HPCAL1: variants seen among roughly 807,000 people sequenced by gnomAD.
The protein encoded by HPCAL1 is hippocalcin like 1, also known as hippocalcin-like protein 1.
A neutral mutation model predicts 17.1 loss-of-function variants in HPCAL1; 8 were observed. The observed-to-expected ratio is 0.47, with a 90% confidence interval of 0.27 to 0.84. HPCAL1 has a LOEUF of 0.84. Ranked by LOEUF, HPCAL1 falls within the 40% of genes least tolerant of loss-of-function variation. The pLI, the probability that HPCAL1 is intolerant of heterozygous loss-of-function variation, is 0.13. For synonymous variants in HPCAL1, 112 were observed against 111.4 expected, an observed-to-expected ratio of 1.01 and a Z score of -0.03; for missense variants, 165 against 271.1, an observed-to-expected ratio of 0.61 and a Z score of 2.75.
Position 10,362,993 on chromosome 2 carries a change from C to T in HPCAL1, c.-110-33842C>T, listed in dbSNP as rs990129976. On this transcript the variant is annotated intron_variant, in intron 1 of 4. Coordinates refer to ENST00000307845, the MANE Select transcript of HPCAL1 (RefSeq NM_002149.4). This position sits in a 1 kb window ranked among gnomAD's most constrained non-coding sequence, Gnocchi z 5.0. ...CTTTGATGGTTCTCTCAGTGACTCA[C>T]GCCTGTAATCTCAGCATTTTGGGAG... Among the ~76,000 whole-genome samples, 5 of 152,198 alleles carry T rather than the reference C, an allele frequency of 3.3e-5. No homozygotes were observed. The highest frequency in any genetic ancestry group is 6.5e-5 in the Admixed American group (1 of 15,278).
intron 1 of HPCAL1, among the ~76,000 whole-genome samples, chr2:10,338,329 C>G (rs1664846566): frequency 1.3e-5 from 2 of 152,068 alleles, no homozygotes; most frequent in African/African-American, 4.8e-5. Flanking sequence ...ACACACAAAG[C>G]AAATTGACAA....
chr2:10,389,618 T>C (rs563570195), intron 1 of HPCAL1, among the ~76,000 whole-genome samples: 37 of 152,350 alleles, frequency 2.4e-4, no homozygotes, highest in African/African-American at 8.9e-4. Context: ...TATGGTAATT[T>C]GTTAGAGTGG....
At chr2:10,345,297 C>A (rs879888551) in intron 1 of HPCAL1, among the ~76,000 whole-genome samples, 1 of 152,226 alleles carries the variant, frequency 6.6e-6, no homozygotes, top group South Asian at 2.1e-4. Flanking sequence ...CTGTACTCTG[C>A]GTTTTTGCCA....
chr2:10,365,995 A>G lies in HPCAL1; in HGVS notation c.-110-30840A>G, dbSNP rs1197076177. Among the ~76,000 whole-genome samples, 2 of 152,128 alleles carry G rather than the reference A, an allele frequency of 1.3e-5. No homozygotes were observed. Among genetic ancestry groups the G allele is most frequent in the Admixed American group, 6.5e-5 (1 of 15,282 alleles). On this transcript the variant is annotated intron_variant, in intron 1 of 4. Transcript: ENST00000307845. This position sits in a 1 kb window ranked among gnomAD's most constrained non-coding sequence, Gnocchi z 4.8. Reference sequence around the variant, plus strand: ...CAGACACACTGAGTACTCTTTCCTCAAGCTCAGTGCAGTTCGTCCACGTTT... The same window carrying G: ...CAGACACACTGAGTACTCTTTCCTCGAGCTCAGTGCAGTTCGTCCACGTTT...
At position 10,426,964 on chromosome 2, in the gene HPCAL1, G is replaced by A. The variant is rs1222411160; in HGVS notation, c.*143G>A. On this transcript the variant is annotated 3_prime_UTR_variant, in exon 5 of 5. Coordinates refer to ENST00000307845, the MANE Select transcript of HPCAL1 (RefSeq NM_002149.4). ...ATGCGTTGCACCTGCCCAGCCCGGTGGCTGCGCCTCCCTCCTCCACCTGAC... is the reference window on the plus strand; with the variant it reads ...ATGCGTTGCACCTGCCCAGCCCGGTAGCTGCGCCTCCCTCCTCCACCTGAC... The A allele has an allele frequency of 1.0e-5, 7 of 686,978 alleles. No individual in the cohort carries two copies. Among genetic ancestry groups the A allele is most frequent in the Non-Finnish European group, 1.8e-5 (7 of 396,858 alleles). The allele number at this position is 686,978 out of a possible 1,614,324, so 42.6% of individuals were successfully genotyped here.
At chr2:10,418,894 G>A (rs6432095) in intron 2 of HPCAL1, among the ~76,000 whole-genome samples, 15,175 of 151,998 alleles carry the variant, frequency 0.1, 2,503 homozygotes, top group African/African-American at 0.35. Flanking sequence ...CCTCCCACCC[G>A]GGGCAGTTTA....
At chr2:10,357,895 G>A (rs768289822) in intron 1 of HPCAL1, among the ~76,000 whole-genome samples, 7 of 152,006 alleles carry the variant, frequency 4.6e-5, no homozygotes, top group Non-Finnish European at 1.0e-4. Context: ...GAGAGGGAGG[G>A]GGCCACACCT....
chr2:10,363,960 C>T lies in HPCAL1; in HGVS notation c.-110-32875C>T, dbSNP rs973527674. ...CTCAGGGAGGCCTGATGATTCGGGGCGCTTGGCCGGGTGGTGGGGTGGGAC... is the reference window on the plus strand; with the variant it reads ...CTCAGGGAGGCCTGATGATTCGGGGTGCTTGGCCGGGTGGTGGGGTGGGAC... On this transcript the variant is annotated intron_variant, in intron 1 of 4. Coordinates refer to ENST00000307845, the MANE Select transcript of HPCAL1 (RefSeq NM_002149.4). The surrounding 1 kb of genome is among the most constrained non-coding windows in gnomAD (Gnocchi z 4.7). Among the ~76,000 whole-genome samples the T allele has an allele frequency of 6.6e-5, 10 of 152,250 alleles. No homozygotes were observed. Among genetic ancestry groups the T allele is most frequent in the African/African-American group, 1.9e-4 (8 of 41,558 alleles).
intron 2 of HPCAL1, among the ~76,000 whole-genome samples, chr2:10,401,018 G>A (rs1669573293): frequency 6.6e-6 from 1 of 152,320 alleles, no homozygotes; most frequent in East Asian, 1.9e-4. Flanking sequence ...GTTGGGAGAT[G>A]CCAGGCAGAG....
chr2:10,311,617 G>T (rs189830050), intron 1 of HPCAL1, among the ~76,000 whole-genome samples: 3 of 152,056 alleles, frequency 2.0e-5, no homozygotes, highest in Non-Finnish European at 4.4e-5. Context: ...GATGGGAGTG[G>T]GGGGAGAAGA....
intron 1 of HPCAL1, among the ~76,000 whole-genome samples, chr2:10,360,161 C>G (rs1666435288): frequency 6.6e-6 from 1 of 152,100 alleles, no homozygotes; most frequent in Non-Finnish European, 1.5e-5. Context: ...GCTGCGGTCT[C>G]CAGGAGCTGG....
In HPCAL1 at chr2:10,377,709, A is replaced by G. The variant is rs7560149; in HGVS notation, c.-110-19126A>G. 0.62 allele frequency among the ~76,000 whole-genome samples: 94,186 copies of G among 151,312 alleles called. 30,832 individuals carry two copies. The highest frequency in any genetic ancestry group is 0.82 in the East Asian group (4,147 of 5,082). On this transcript the variant is annotated intron_variant, in intron 1 of 4. Coordinates refer to ENST00000307845, the MANE Select transcript of HPCAL1 (RefSeq NM_002149.4). The surrounding 1 kb of genome is among the most constrained non-coding windows in gnomAD (Gnocchi z 5.9). ...TGAGGGCAGACCCTGGCCGGGCACC[A>G]AGATACAAAAGGTTATGAGGGTGTT...
chr2:10,387,241 T>C (rs556521402), intron 1 of HPCAL1, among the ~76,000 whole-genome samples: 86 of 152,358 alleles, frequency 5.6e-4, no homozygotes, highest in African/African-American at 2.0e-3. Flanking sequence ...TCCACCTCCT[T>C]GTGCCAGCCT....
At chr2:10,321,594 A>G (rs1033931995) in intron 1 of HPCAL1, among the ~76,000 whole-genome samples, 7 of 152,202 alleles carry the variant, frequency 4.6e-5, no homozygotes, top group Non-Finnish European at 7.3e-5. Flanking sequence ...CCCAGAAAAA[A>G]ATCTCATAGC....
intron 1 of HPCAL1, among the ~76,000 whole-genome samples, chr2:10,368,203 G>A (rs1388376681): frequency 1.3e-5 from 2 of 151,770 alleles, no homozygotes; most frequent in African/African-American, 4.9e-5. Context: ...GTGCATACGT[G>A]TGTGTAGGGG....
chr2:10,389,012 C>A (rs778096262), intron 1 of HPCAL1, among the ~76,000 whole-genome samples: 2 of 152,070 alleles, frequency 1.3e-5, no homozygotes, highest in Non-Finnish European at 2.9e-5. Context: ...ACGTAGGAGG[C>A]GGGACTCGAC....
chr2:10,319,400 A>G (rs1663526938), intron 1 of HPCAL1, among the ~76,000 whole-genome samples: 1 of 152,110 alleles, frequency 6.6e-6, no homozygotes, highest in Admixed American at 6.6e-5. Context: ...CAGGGGAGTA[A>G]TTTGCCGTTA....
At chr2:10,339,981 C>T (rs1664974871) in intron 1 of HPCAL1, among the ~76,000 whole-genome samples, 1 of 152,208 alleles carries the variant, frequency 6.6e-6, no homozygotes, top group African/African-American at 2.4e-5. Flanking sequence ...CTTGGTTAGT[C>T]TGGGCTTCAT....
chr2:10,349,964 C>T (rs945869550), intron 1 of HPCAL1, among the ~76,000 whole-genome samples: 1 of 152,054 alleles, frequency 6.6e-6, no homozygotes, highest in Non-Finnish European at 1.5e-5. Context: ...AGCACCAAAT[C>T]CTTGCCGATT....
Sources: allele counts gnomAD v4.1 joint callset (sites outside exome capture counted in the v4.1 genomes callset), GRCh38; gene constraint gnomAD v4.1.1; non-coding constraint Gnocchi (gnomAD v3.1); transcripts MANE v1.5; gene names NCBI Gene and HGNC (gene_info 2026-07-23, HGNC 2026-07-21).